The following CSMD1 variants were observed in gnomAD, a reference collection of about 807,000 sequenced individuals.
The protein encoded by CSMD1 is CUB and Sushi multiple domains 1.
A neutral mutation model predicts 417.5 loss-of-function variants in CSMD1; 213 were observed. That is an observed-to-expected ratio of 0.51 (90% CI 0.46 to 0.57). CSMD1 has a LOEUF of 0.57. Ranked by LOEUF, CSMD1 falls within the 20% of genes least tolerant of loss-of-function variation. The probability of loss-of-function intolerance (pLI) is 0.00; values close to 1 mark genes in which losing one functional copy is unlikely to be tolerated. For synonymous variants in CSMD1, 2,862 were observed against 1,736.8 expected, an observed-to-expected ratio of 1.65 and a Z score of -16.11; for missense variants, 6,923 against 4,529.7, an observed-to-expected ratio of 1.53 and a Z score of -15.17.
In CSMD1 at chr8:4,745,873, T is replaced by C. The variant is rs140955394; in HGVS notation, c.86-108315A>G. On this transcript the variant is annotated intron_variant, in intron 1 of 69. Coordinates refer to ENST00000635120, the MANE Select transcript of CSMD1 (RefSeq NM_033225.6). ...ACACTCTGCTGTATAGAAGGGCTTC[T>C]GAGCTTGATCCAGGCTCAGCCACTT... 3.9e-3 allele frequency among the ~76,000 whole-genome samples: 600 copies of C among 152,330 alleles called. 6 individuals carry two copies. The highest frequency in any genetic ancestry group is 0.014 in the African/African-American group (571 of 41,574).
intron 5 of CSMD1, among the ~76,000 whole-genome samples, chr8:3,993,636 T>A (rs1814929432): frequency 6.6e-6 from 1 of 152,080 alleles, no homozygotes; most frequent in Non-Finnish European, 1.5e-5. Context: ...GGCAAAAGGG[T>A]CAAGTTATGC....
At chr8:4,421,433 C>G (rs940671202) in intron 2 of CSMD1, among the ~76,000 whole-genome samples, 2 of 151,940 alleles carry the variant, frequency 1.3e-5, no homozygotes, top group African/African-American at 4.8e-5. Flanking sequence ...ATATTCGAGG[C>G]CATAAAACAA....
intron 1 of CSMD1, among the ~76,000 whole-genome samples, chr8:4,919,914 G>C (rs978765334): frequency 1.9e-4 from 29 of 152,124 alleles, no homozygotes; most frequent in Non-Finnish European, 8.8e-5. Flanking sequence ...TCTCTTGGAA[G>C]CAGAGAACAG....
At position 4,623,400 on chromosome 8, in the gene CSMD1, C is replaced by G. The variant is rs149159583; in HGVS notation, c.302+13942G>C. Among the ~76,000 whole-genome samples the G allele has an allele frequency of 1.6e-3, 242 of 152,236 alleles. 1 individual carries two copies. The highest frequency in any genetic ancestry group is 5.7e-3 in the African/African-American group (236 of 41,536). ...CCTCAGGTGGGAATTTAAAATGGGACTACCAGATTAGAAAACATTTTAGCC... is the reference window on the plus strand; with the variant it reads ...CCTCAGGTGGGAATTTAAAATGGGAGTACCAGATTAGAAAACATTTTAGCC... On this transcript the variant is annotated intron_variant, in intron 2 of 69. Transcript: ENST00000635120.
At chr8:3,883,642 CA>C (rs1220445403) in intron 5 of CSMD1, among the ~76,000 whole-genome samples, 1 of 152,024 alleles carries the variant, frequency 6.6e-6, no homozygotes, top group African/African-American at 2.4e-5. Context: ...AAATTGATAT[CA>C]ATTACTGATA....
At chr8:4,981,866 A>G (rs562518481) in intron 1 of CSMD1, among the ~76,000 whole-genome samples, 2 of 152,156 alleles carry the variant, frequency 1.3e-5, no homozygotes, top group African/African-American at 4.8e-5. Context: ...GTAGCACTCA[A>G]CTGTGGAGTC....
intron 47 of CSMD1, among the ~76,000 whole-genome samples, chr8:3,093,952 G>T (rs531955910): frequency 6.6e-6 from 1 of 152,064 alleles, no homozygotes; most frequent in African/African-American, 2.4e-5. Flanking sequence ...TGGTATGTTG[G>T]TTTGCTTTTT....
At chr8:4,860,368 A>G (rs970575366) in intron 1 of CSMD1, among the ~76,000 whole-genome samples, 1 of 151,606 alleles carries the variant, frequency 6.6e-6, no homozygotes, top group African/African-American at 2.4e-5. Flanking sequence ...ATATGTAACT[A>G]ACCTGCACAA....
chr8:3,758,580 C>T (rs1445504471), intron 5 of CSMD1, among the ~76,000 whole-genome samples: 6 of 152,178 alleles, frequency 3.9e-5, no homozygotes, highest in Non-Finnish European at 7.3e-5. Flanking sequence ...TTCTTCATTA[C>T]AAACTACGTA....
chr8:4,040,592 T>C (rs1348796919), intron 3 of CSMD1, among the ~76,000 whole-genome samples: 3 of 152,208 alleles, frequency 2.0e-5, no homozygotes, highest in Non-Finnish European at 2.9e-5. Flanking sequence ...TATAATAACA[T>C]GCATATATGG....
At chr8:4,150,059 G>A (rs1294580783) in intron 3 of CSMD1, among the ~76,000 whole-genome samples, 1 of 152,206 alleles carries the variant, frequency 6.6e-6, no homozygotes, top group Admixed American at 6.5e-5. Context: ...TGCTGTGGGT[G>A]AAGAAGTTAA....
chr8:4,644,672 G>C (rs929874567), intron 1 of CSMD1, among the ~76,000 whole-genome samples: 6 of 152,186 alleles, frequency 3.9e-5, no homozygotes, highest in Non-Finnish European at 8.8e-5. Flanking sequence ...GCCTCCCAAA[G>C]TACTGGAATT....
At chr8:3,129,600 C>G (rs943433858) in intron 41 of CSMD1, among the ~76,000 whole-genome samples, 6 of 151,454 alleles carry the variant, frequency 4.0e-5, no homozygotes, top group African/African-American at 1.5e-4. Context: ...CATGGTGAAA[C>G]CTTCTCTATA....
intron 5 of CSMD1, among the ~76,000 whole-genome samples, chr8:3,787,723 G>C (rs531584240): frequency 6.6e-6 from 1 of 152,136 alleles, no homozygotes; most frequent in African/African-American, 2.4e-5. Flanking sequence ...CATTACATTT[G>C]TAAGAAAAAC....
At chr8:3,773,552 G>C (rs892018691) in intron 5 of CSMD1, among the ~76,000 whole-genome samples, 13 of 152,124 alleles carry the variant, frequency 8.5e-5, no homozygotes, top group African/African-American at 3.1e-4. Context: ...CTCCCAAACT[G>C]CTGAAATTAC....
In CSMD1 at chr8:3,637,731, C is replaced by G. The variant is rs1375647848; in HGVS notation, c.1010-20934G>C. On this transcript the variant is annotated intron_variant, in intron 7 of 69. Coordinates refer to ENST00000635120, the MANE Select transcript of CSMD1 (RefSeq NM_033225.6). ...GGTGTTAAGTAGGGATATGGTTTGG[C>G]TGTGTCCCCACCCAAATCTCATCTT... Among the ~76,000 whole-genome samples, 5 of 152,120 alleles carry G rather than the reference C, an allele frequency of 3.3e-5. No individual in the cohort carries two copies. The East Asian group carries it at 5.8e-4, about 18-fold the overall frequency.
chr8:3,380,977 G>C (rs756879171), intron 18 of CSMD1, among the ~76,000 whole-genome samples: 2 of 152,032 alleles, frequency 1.3e-5, no homozygotes, highest in East Asian at 1.9e-4. Context: ...GATGGTACTT[G>C]AATGCACAGG....
At chr8:4,832,717 T>C (rs977397941) in intron 1 of CSMD1, among the ~76,000 whole-genome samples, 1 of 152,224 alleles carries the variant, frequency 6.6e-6, no homozygotes, top group African/African-American at 2.4e-5. Flanking sequence ...TTCCATTTAA[T>C]TGTTAAGAAA....
intron 3 of CSMD1, among the ~76,000 whole-genome samples, chr8:4,393,000 G>C (rs1803953686): frequency 6.6e-6 from 1 of 152,152 alleles, no homozygotes; most frequent in South Asian, 2.1e-4. Context: ...AAGAGAGATG[G>C]AGTGTCACTC....
Sources: gnomAD v4.1 joint callset for allele counts (sites outside exome capture counted in the v4.1 genomes callset) on GRCh38, gnomAD v4.1.1 for gene constraint, MANE v1.5 for transcripts, NCBI Gene and HGNC (gene_info 2026-07-23, HGNC 2026-07-21) for gene names.